The following ANTXR1 variants were observed in gnomAD, a reference collection of about 807,000 sequenced individuals.
The protein encoded by ANTXR1 is ANTXR cell adhesion molecule 1.
In ANTXR1, 19 loss-of-function variants were observed where a neutral mutation model predicts 78.1. The ratio of observed to expected loss-of-function variants is 0.24; its 90% CI spans 0.17 to 0.36. The LOEUF (loss-of-function observed/expected upper bound fraction) is 0.36. Ranked by LOEUF, ANTXR1 falls within the 10% of genes least tolerant of loss-of-function variation. The probability of loss-of-function intolerance (pLI) is 1.00; values close to 1 mark genes in which losing one functional copy is unlikely to be tolerated. For synonymous variants in ANTXR1, 273 were observed against 260.5 expected, an observed-to-expected ratio of 1.05 and a Z score of -0.46; for missense variants, 518 against 718.6, an observed-to-expected ratio of 0.72 and a Z score of 3.19.
intron 13 of ANTXR1, among the ~76,000 whole-genome samples, chr2:69,157,566 G>A (rs989819428): frequency 6.6e-6 from 1 of 152,032 alleles, no homozygotes; most frequent in African/African-American, 2.4e-5. Context: ...CAGAGCAACC[G>A]CTGATGTCTT....
chr2:69,148,234 C>G (rs1350204965), intron 12 of ANTXR1, among the ~76,000 whole-genome samples: 1 of 152,208 alleles, frequency 6.6e-6, no homozygotes, highest in African/African-American at 2.4e-5. Flanking sequence ...GGGACCCCAC[C>G]TCCTTTCCAC....
chr2:69,179,524 C>CAAAAA (rs59914010), intron 14 of ANTXR1, among the ~76,000 whole-genome samples: 39 of 135,872 alleles, frequency 2.9e-4, no homozygotes, highest in African/African-American at 1.0e-3. Context: ...ACCCTGTCTC[C>CAAAAA]AAAAAAAAAA....
rs114678146 is a variant in ANTXR1 at position 69,059,930 on chromosome 2, G to A, written c.297-10717G>A. Among the ~76,000 whole-genome samples the A allele has an allele frequency of 9.3e-3, 1,413 of 152,268 alleles. 21 individuals carry two copies. Among genetic ancestry groups the A allele is most frequent in the African/African-American group, 0.032 (1,321 of 41,562 alleles). Reference sequence around the variant, plus strand: ...AGATGGTGCCATAGAAAACCACATGGTGAAATTACTGCACAAATGTGTGAC... The same window carrying A: ...AGATGGTGCCATAGAAAACCACATGATGAAATTACTGCACAAATGTGTGAC... On this transcript the variant is annotated intron_variant, in intron 3 of 17. Coordinates refer to ENST00000303714, the MANE Select transcript of ANTXR1 (RefSeq NM_032208.3).
At chr2:69,241,574 G>C (rs994426688) in intron 17 of ANTXR1, among the ~76,000 whole-genome samples, 1 of 152,150 alleles carries the variant, frequency 6.6e-6, no homozygotes, top group Admixed American at 6.5e-5. Context: ...GTGGCAACAG[G>C]AGGAGAGAAC....
intron 10 of ANTXR1, chr2:69,103,281 G>A (rs11900961): frequency 0.016 from 6,083 of 381,572 alleles, 329 homozygotes; most frequent in African/African-American, 0.12. Context: ...GCCATCTACC[G>A]AGTGGCTCAC....
intron 17 of ANTXR1, among the ~76,000 whole-genome samples, chr2:69,229,668 ACT>A (rs1675539185): frequency 6.6e-6 from 1 of 151,822 alleles, no homozygotes; most frequent in African/African-American, 2.4e-5. Context: ...AAGAAGGAAG[ACT>A]CTAAATAATA....
chr2:69,108,783 C>T (rs954536505), intron 10 of ANTXR1, among the ~76,000 whole-genome samples: 3 of 152,180 alleles, frequency 2.0e-5, no homozygotes, highest in Admixed American at 6.5e-5. Flanking sequence ...CATGTTCCTG[C>T]AAAGGACATG....
intron 17 of ANTXR1, among the ~76,000 whole-genome samples, chr2:69,232,630 C>G (rs756845062): frequency 2.0e-5 from 3 of 151,922 alleles, no homozygotes; most frequent in African/African-American, 4.8e-5. Flanking sequence ...TCAATAAAAA[C>G]TTGTGGGATT....
intron 13 of ANTXR1, among the ~76,000 whole-genome samples, chr2:69,158,060 A>G (rs555701943): frequency 6.6e-6 from 1 of 152,250 alleles, no homozygotes. Flanking sequence ...AGCACTGATC[A>G]TGCTGTGAAA....
rs1187448303 is a variant in ANTXR1 at position 69,183,587 on chromosome 2, T to TG, written c.1353+927_1353+928insG. ...CAGCTAATTTTTGTTTTTTTTTTTT[T>TG]TTTTTTTTTTTTGAGGGACGGATTT... On this transcript the variant is annotated intron_variant, in intron 16 of 17. Coordinates refer to ENST00000303714, the MANE Select transcript of ANTXR1 (RefSeq NM_032208.3). Among the ~76,000 whole-genome samples the TG allele has an allele frequency of 9.2e-4, 129 of 140,636 alleles. 1 individual carries two copies. Among genetic ancestry groups the TG allele is most frequent in the African/African-American group, 3.5e-3 (125 of 35,470 alleles). 92.3% of individuals were successfully genotyped at this position (140,636 alleles called of 152,430 possible). A position where few individuals can be genotyped will look rare whatever the true frequency, so the allele number is the denominator to read the frequency against.
intron 17 of ANTXR1, among the ~76,000 whole-genome samples, chr2:69,215,910 A>G (rs1217435307): frequency 6.6e-6 from 1 of 152,254 alleles, no homozygotes; most frequent in Non-Finnish European, 1.5e-5. Flanking sequence ...CAACAAAGAT[A>G]TCACCACTGA....
At chr2:69,198,153 A>C (rs79714585) in intron 17 of ANTXR1, among the ~76,000 whole-genome samples, 62 of 152,358 alleles carry the variant, frequency 4.1e-4, no homozygotes, top group African/African-American at 1.4e-3. Context: ...TACTGGATCA[A>C]ATAGTGTGCA....
At chr2:69,122,361 T>G (rs1303870232) in intron 10 of ANTXR1, among the ~76,000 whole-genome samples, 1 of 152,176 alleles carries the variant, frequency 6.6e-6, no homozygotes, top group Non-Finnish European at 1.5e-5. Context: ...TCAGCAAACT[T>G]TTTCCACAAA....
intron 17 of ANTXR1, among the ~76,000 whole-genome samples, chr2:69,197,839 A>G (rs899529588): frequency 1.3e-5 from 2 of 152,206 alleles, no homozygotes; most frequent in African/African-American, 4.8e-5. Flanking sequence ...TCTGAGAAAG[A>G]ACGCTTCAAG....
At chr2:69,027,640 ATG>A (rs1553430956) in intron 1 of ANTXR1, among the ~76,000 whole-genome samples, 16 of 100,108 alleles carry the variant, frequency 1.6e-4, no homozygotes, top group South Asian at 3.0e-4. Flanking sequence ...GTGTGTGTGT[ATG>A]TGTGTGTGTG....
intron 17 of ANTXR1, among the ~76,000 whole-genome samples, chr2:69,194,100 A>G (rs1190938877): frequency 1.3e-5 from 2 of 152,126 alleles, no homozygotes; most frequent in African/African-American, 4.8e-5. Flanking sequence ...AACAAAAATC[A>G]CCTAATTGCA....
At chr2:69,194,846 G>A (rs141020704) in intron 17 of ANTXR1, among the ~76,000 whole-genome samples, 1,682 of 151,404 alleles carry the variant, frequency 0.011, 29 homozygotes, top group African/African-American at 0.038. Context: ...ATGAGACTCT[G>A]TCTCAAAAAA....
intron 13 of ANTXR1, among the ~76,000 whole-genome samples, chr2:69,161,147 C>T (rs536524868): frequency 4.6e-5 from 7 of 152,292 alleles, no homozygotes; most frequent in African/African-American, 1.7e-4. Flanking sequence ...AATCTGAAAT[C>T]ATGGATTTAT....
chr2:69,066,789 A>G (rs1406434544), intron 3 of ANTXR1, among the ~76,000 whole-genome samples: 1 of 152,164 alleles, frequency 6.6e-6, no homozygotes, highest in Non-Finnish European at 1.5e-5. Flanking sequence ...GGAGTTGCAA[A>G]AGGAACACAA....
Sources: gnomAD v4.1 joint callset for allele counts (sites outside exome capture counted in the v4.1 genomes callset) on GRCh38, gnomAD v4.1.1 for gene constraint, MANE v1.5 for transcripts, NCBI Gene and HGNC (gene_info 2026-07-23, HGNC 2026-07-21) for gene names.